The following SP4 variants were observed in gnomAD, a reference collection of about 807,000 sequenced individuals.
The protein encoded by SP4 is Sp4 transcription factor.
SP4 carries 19 observed loss-of-function variants against 72.8 expected under a neutral mutation model. The observed-to-expected ratio is 0.26, with a 90% CI of 0.18 to 0.38. The LOEUF (loss-of-function observed/expected upper bound fraction) is 0.38, where lower values mean the gene tolerates loss of function less well. SP4 is among the 10% of genes least tolerant of loss of function. The pLI is 1.00. For synonymous variants in SP4, 395 were observed against 333.1 expected, an observed-to-expected ratio of 1.19 and a Z score of -2.02; for missense variants, 1,008 against 926.3, an observed-to-expected ratio of 1.09 and a Z score of -1.14.
chr7:21,451,654 A>G (rs966946720), intron 3 of SP4, among the ~76,000 whole-genome samples: 1 of 152,150 alleles, frequency 6.6e-6, no homozygotes, highest in Non-Finnish European at 1.5e-5. Context: ...GTCATGTCCC[A>G]CTGATGGGCA....
Position 21,460,342 on chromosome 7 carries a change from C to T in SP4, c.1679-16737C>T, listed in dbSNP as rs192131946. ...TCAGGATTGAAGCTGCAGACCTTCG[C>T]GATGAGTGTTACAGCTCTTAAGGCA... On this transcript the variant is annotated intron_variant, in intron 3 of 5. Coordinates refer to ENST00000222584, the MANE Select transcript of SP4 (RefSeq NM_003112.5). Among the ~76,000 whole-genome samples the T allele has an allele frequency of 9.2e-5, 14 of 151,782 alleles. No homozygotes were observed. The East Asian group carries it at 2.3e-3, about 25-fold the overall frequency.
intron 5 of SP4, among the ~76,000 whole-genome samples, chr7:21,506,161 AC>A (rs1461779925): frequency 1.3e-5 from 2 of 152,146 alleles, no homozygotes; most frequent in East Asian, 3.9e-4. Flanking sequence ...AAATATTGGA[AC>A]CTGAAATCCC....
chr7:21,490,856 T>C (rs992375189), intron 5 of SP4, among the ~76,000 whole-genome samples: 1 of 152,212 alleles, frequency 6.6e-6, no homozygotes, highest in African/African-American at 2.4e-5. Flanking sequence ...GAAAAGTGAA[T>C]TAATGTTGGA....
intron 3 of SP4, among the ~76,000 whole-genome samples, chr7:21,436,661 C>T (rs9791769): frequency 0.014 from 2,195 of 152,144 alleles, 47 homozygotes; most frequent in East Asian, 0.075. Context: ...TTTTCTGATG[C>T]GGATTTGAGT....
intron 3 of SP4, among the ~76,000 whole-genome samples, chr7:21,453,831 C>A (rs887060975): frequency 6.6e-6 from 1 of 152,160 alleles, no homozygotes; most frequent in African/African-American, 2.4e-5. Flanking sequence ...TGTTAGCTAA[C>A]GTGTTCACAC....
chr7:21,484,670 G>C lies in SP4; in HGVS notation c.2107+2547G>C, dbSNP rs533061631. ...AATACTCTGCTATTTAGGTCTGCAT[G>C]AAAGGATGCAGTGTTTCCATCCTGG... On this transcript the variant is annotated intron_variant, in intron 5 of 5. Transcript: ENST00000222584. Among the ~76,000 whole-genome samples, 24 of 151,968 alleles carry C rather than the reference G, an allele frequency of 1.6e-4. No homozygotes were observed. The East Asian group carries it at 4.6e-3, about 29-fold the overall frequency.
intron 3 of SP4, among the ~76,000 whole-genome samples, chr7:21,444,115 T>G (rs925044281): frequency 2.0e-5 from 3 of 152,230 alleles, no homozygotes; most frequent in African/African-American, 7.2e-5. Flanking sequence ...ATCTATTACC[T>G]GTACTCCCTA....
At position 21,509,758 on chromosome 7, in the gene SP4, T is replaced by A. The variant is rs888334885; in HGVS notation, c.2108-1264T>A. 2.0e-5 allele frequency among the ~76,000 whole-genome samples: 3 copies of A among 152,340 alleles called. No homozygotes were observed. The East Asian group carries it at 5.8e-4, about 29-fold the overall frequency. ...CCAACTTGAGCCTATAGATTTTTTT[T>A]ATTGGTAAGTCAAAAGCAGGGCCAA... On this transcript the variant is annotated intron_variant, in intron 5 of 5. Coordinates refer to ENST00000222584, the MANE Select transcript of SP4 (RefSeq NM_003112.5).
chr7:21,443,137 TATG>T (rs1245098336), intron 3 of SP4, among the ~76,000 whole-genome samples: 2 of 152,224 alleles, frequency 1.3e-5, no homozygotes, highest in African/African-American at 4.8e-5. Context: ...CTGTGTTATA[TATG>T]TAAGTATGTG....
At chr7:21,483,169 G>A (rs1784734169) in intron 5 of SP4, among the ~76,000 whole-genome samples, 1 of 151,876 alleles carries the variant, frequency 6.6e-6, no homozygotes, top group Non-Finnish European at 1.5e-5. Context: ...AAAAATTTGT[G>A]TTTTTCATGG....
chr7:21,493,641 C>T (rs902471958), intron 5 of SP4, among the ~76,000 whole-genome samples: 2 of 152,152 alleles, frequency 1.3e-5, no homozygotes, highest in Admixed American at 6.5e-5. Flanking sequence ...AACACTGGCT[C>T]AAGAAGAGAT....
chr7:21,509,292 A>G (rs1297038367), intron 5 of SP4, among the ~76,000 whole-genome samples: 1 of 152,142 alleles, frequency 6.6e-6, no homozygotes, highest in Admixed American at 6.5e-5. Context: ...ATTTTATCAC[A>G]CTGTTTTTAT....
intron 3 of SP4, among the ~76,000 whole-genome samples, chr7:21,442,845 C>T (rs1192411779): frequency 6.6e-6 from 1 of 152,192 alleles, no homozygotes; most frequent in African/African-American, 2.4e-5. Context: ...AAGTGATTCT[C>T]CTGCCTCAGC....
chr7:21,440,713 G>A (rs760836244), intron 3 of SP4, among the ~76,000 whole-genome samples: 1 of 152,268 alleles, frequency 6.6e-6, no homozygotes, highest in African/African-American at 2.4e-5. Context: ...GCTGGGCATA[G>A]TGGTGCATGC....
chr7:21,430,014 T>G lies in SP4; in HGVS notation c.849T>G (p.Val283=), dbSNP rs752567349. The G allele has an allele frequency of 2.7e-5, 43 of 1,614,076 alleles. No individual in the cohort carries two copies. The highest frequency in any genetic ancestry group is 3.5e-5 in the Non-Finnish European group (41 of 1,180,046). The change falls in exon 3 of 6, where the codon GTT becomes GTG. Residue 283 remains valine, a synonymous_variant. Coordinates refer to ENST00000222584, the MANE Select transcript of SP4 (RefSeq NM_003112.5). The part of the protein sequence containing the change: ...NVAAGGGTGQ[V]GQPAATADSG... ...CTGCCGGAGGAGGGACTGGGCAGGTTGGCCAGCCTGCTGCTACTGCTGATA... is the reference window on the plus strand; with the variant it reads ...CTGCCGGAGGAGGGACTGGGCAGGTGGGCCAGCCTGCTGCTACTGCTGATA...
intron 3 of SP4, among the ~76,000 whole-genome samples, chr7:21,459,223 G>T (rs920715128): frequency 1.3e-5 from 2 of 152,124 alleles, no homozygotes; most frequent in Admixed American, 1.3e-4. Flanking sequence ...GGATTCAAGC[G>T]ATTCTCCTGC....
rs1401394106 is a variant in SP4, at chr7:21,429,946, A to T, written c.781A>T (p.Ile261Phe). Residue 261 changes from isoleucine (I) to phenylalanine (F), a missense_variant, in exon 3 of 6, where the codon ATT becomes TTT. Physicochemically the swap from Ile to Phe is conservative, Grantham distance 21. Transcript: ENST00000222584. ...AGTTGTAACAACCCTACCAATTAAC[A>T]TTGGAGGAGTGACTCTAGCTTTGCC... ...AQVVTTLPIN[I>F]GGVTLALPVI... is the part of the protein sequence containing the mutation. 6.2e-7 allele frequency: 1 copy of T among 1,614,106 alleles called. No individual in the cohort carries two copies. Among genetic ancestry groups the T allele is most frequent in the Non-Finnish European group, 8.5e-7 (1 of 1,179,998 alleles).
intron 3 of SP4, among the ~76,000 whole-genome samples, chr7:21,473,591 A>G (rs893906922): frequency 2.6e-5 from 4 of 152,198 alleles, no homozygotes; most frequent in Admixed American, 6.5e-5. Context: ...AGACAAAACT[A>G]GGTGATGATA....
rs1782796780 is a variant in SP4, at chr7:21,430,304, C to G, written c.1139C>G (p.Pro380Arg). The G allele has an allele frequency of 6.2e-7, 1 of 1,614,220 alleles. No individual in the cohort carries two copies. The highest frequency in any genetic ancestry group is 8.5e-7 in the Non-Finnish European group (1 of 1,180,044). The change falls in exon 3 of 6, where the codon CCT becomes CGT. Residue 380 changes from proline to arginine, a missense_variant. Physicochemically the swap from Pro to Arg is moderately radical, Grantham distance 103. This residue lies in a region of SP4 where 893 missense variants were observed against 743.3 expected (regional missense o/e 1.20). Coordinates refer to ENST00000222584, the MANE Select transcript of SP4 (RefSeq NM_003112.5). ...GCCCAGAGCTCCAGTCAGCTTCAGC[C>G]TAATGGAATGCAGAATGCACAGGAT... Reference protein sequence around the residue: ...SEAQSSSQLQPNGMQNAQDQS... With the variant: ...SEAQSSSQLQRNGMQNAQDQS...
Sources: allele counts gnomAD v4.1 joint callset (sites outside exome capture counted in the v4.1 genomes callset), GRCh38; gene constraint gnomAD v4.1.1; regional missense constraint gnomAD v4.1.1; transcripts MANE v1.5; gene names NCBI Gene and HGNC (gene_info 2026-07-23, HGNC 2026-07-21).